The following CDC73 variants were observed in gnomAD, a reference collection of about 807,000 sequenced individuals.
CDC73 encodes cell division cycle 73.
A neutral mutation model predicts 83.7 loss-of-function variants in CDC73; 21 were observed. That is an observed-to-expected ratio of 0.25 (90% CI 0.18 to 0.36). The LOEUF (loss-of-function observed/expected upper bound fraction) is 0.36, where lower values mean the gene tolerates loss of function less well. CDC73 is among the 10% of genes least tolerant of loss of function. The pLI is 1.00. For missense variants in CDC73, 342 were observed against 653.3 expected, an observed-to-expected ratio of 0.52 and a Z score of 5.19; for synonymous variants, 224 against 212.9, an observed-to-expected ratio of 1.05 and a Z score of -0.45.
At chr1:193,137,106 A>G (rs1675815137) in intron 5 of CDC73, among the ~76,000 whole-genome samples, 1 of 152,220 alleles carries the variant, frequency 6.6e-6, no homozygotes, top group South Asian at 2.1e-4. Flanking sequence ...TAGGAAAGAG[A>G]AACTGAGGGT....
intron 10 of CDC73, among the ~76,000 whole-genome samples, chr1:193,171,805 A>G (rs1020013864): frequency 2.6e-5 from 4 of 152,196 alleles, no homozygotes; most frequent in African/African-American, 9.7e-5. Context: ...TCTTTGGAGA[A>G]CCATTGTTCT....
intron 10 of CDC73, among the ~76,000 whole-genome samples, chr1:193,184,387 A>C (rs1676770517): frequency 6.6e-6 from 1 of 152,080 alleles, no homozygotes; most frequent in Non-Finnish European, 1.5e-5. Flanking sequence ...AAAAAGAGAG[A>C]GCAAAACAAG....
At chr1:193,207,651 G>A (rs113789575) in intron 11 of CDC73, among the ~76,000 whole-genome samples, 2 of 152,082 alleles carry the variant, frequency 1.3e-5, no homozygotes, top group African/African-American at 4.8e-5. Flanking sequence ...TATTCTGCCT[G>A]ACCCCACAGG....
intron 13 of CDC73, among the ~76,000 whole-genome samples, chr1:193,223,375 A>G (rs879914515): frequency 3.9e-5 from 6 of 152,188 alleles, no homozygotes; most frequent in South Asian, 2.1e-4. Flanking sequence ...ACCTGGGAGC[A>G]TTACCAATCT....
chr1:193,172,237 CTT>C (rs36004862), intron 10 of CDC73, among the ~76,000 whole-genome samples: 286 of 134,324 alleles, frequency 2.1e-3, no homozygotes, highest in Middle Eastern at 7.8e-3. Context: ...TTTTTGGTAC[CTT>C]TTTTTTTTTT....
rs906239417 is a variant in CDC73 at position 193,253,433 on chromosome 1, C to T, written c.*2721C>T. 2.2e-5 allele frequency: 5 copies of T among 232,230 alleles called. No homozygotes were observed. Among genetic ancestry groups the T allele is most frequent in the Admixed American group, 1.1e-4 (2 of 17,720 alleles). The allele number at this position is 232,230 out of a possible 1,614,324, so 14.4% of individuals were successfully genotyped here. On this transcript the variant is annotated 3_prime_UTR_variant, in exon 17 of 17. Coordinates refer to ENST00000367435, the MANE Select transcript of CDC73 (RefSeq NM_024529.5). ...TTTTGTTGTTGTTGTTGTTTTGTGG[C>T]CACCCTTTGCACTAGACCATCCCTT...
chr1:193,249,610 AG>A (rs1678011328), intron 15 of CDC73, 119 bp from the exon 16 acceptor site: 1 of 766,504 alleles, frequency 1.3e-6, no homozygotes, highest in African/African-American at 1.8e-5. Flanking sequence ...ATGTTTTTAA[AG>A]ATAATATTTT....
At chr1:193,183,009 T>C (rs1572181962) in intron 10 of CDC73, among the ~76,000 whole-genome samples, 1 of 152,056 alleles carries the variant, frequency 6.6e-6, no homozygotes, top group East Asian at 1.9e-4. Context: ...TGTATGTATT[T>C]AGCCTGTGAT....
chr1:193,237,221 T>C (rs1677776493), intron 15 of CDC73: 1 of 152,158 alleles, frequency 6.6e-6, no homozygotes, highest in African/African-American at 2.4e-5. Flanking sequence ...AAATGTCTTA[T>C]GTTTTTAGCA....
chr1:193,163,545 A>G (rs1375392604), intron 10 of CDC73, among the ~76,000 whole-genome samples: 1 of 152,100 alleles, frequency 6.6e-6, no homozygotes, highest in African/African-American at 2.4e-5. Context: ...AGAAACTTCA[A>G]GAACGTAACT....
chr1:193,199,392 C>CT (rs1427091167), intron 10 of CDC73, among the ~76,000 whole-genome samples: 3 of 151,746 alleles, frequency 2.0e-5, no homozygotes, highest in African/African-American at 7.3e-5. Context: ...GGCCTGATCC[C>CT]TTAAAAAAAA....
intron 2 of CDC73, among the ~76,000 whole-genome samples, chr1:193,129,301 T>G (rs1675647476): frequency 6.7e-6 from 1 of 150,328 alleles, no homozygotes; most frequent in African/African-American, 2.5e-5. Context: ...CTGCCTAATT[T>G]TTGTGTTTTT....
intron 7 of CDC73, among the ~76,000 whole-genome samples, chr1:193,145,866 A>G (rs1057358931): frequency 2.6e-5 from 4 of 152,202 alleles, no homozygotes; most frequent in Non-Finnish European, 5.9e-5. Context: ...GGCAAGTGCT[A>G]AACACTGACC....
intron 10 of CDC73, among the ~76,000 whole-genome samples, chr1:193,156,032 A>G (rs751744128): frequency 6.6e-6 from 1 of 152,200 alleles, no homozygotes; most frequent in African/African-American, 2.4e-5. Flanking sequence ...AAATAACAAT[A>G]TATTTTCATG....
chr1:193,154,456 T>C (rs1181714322), intron 10 of CDC73, among the ~76,000 whole-genome samples: 1 of 152,198 alleles, frequency 6.6e-6, no homozygotes, highest in Non-Finnish European at 1.5e-5. Context: ...CATCAGAGAC[T>C]GTTCTAAATA....
At chr1:193,145,863 G>A (rs890104959) in intron 7 of CDC73, among the ~76,000 whole-genome samples, 2 of 152,138 alleles carry the variant, frequency 1.3e-5, no homozygotes, top group Admixed American at 6.5e-5. Context: ...CTAGGCAAGT[G>A]CTAAACACTG....
chr1:193,149,641 G>C (rs1397047077), intron 8 of CDC73, among the ~76,000 whole-genome samples: 1 of 152,042 alleles, frequency 6.6e-6, no homozygotes, highest in Non-Finnish European at 1.5e-5. Context: ...GATAGGTATT[G>C]ATAAGTATAT....
At chr1:193,137,558 A>G (rs190538950) in intron 5 of CDC73, among the ~76,000 whole-genome samples, 1 of 152,246 alleles carries the variant, frequency 6.6e-6, no homozygotes, top group Non-Finnish European at 1.5e-5. Flanking sequence ...AATTTCAGAC[A>G]AAATCTTGAA....
At chr1:193,229,947 AG>A (rs977347205) in intron 13 of CDC73, among the ~76,000 whole-genome samples, 3 of 152,158 alleles carry the variant, frequency 2.0e-5, no homozygotes, top group Non-Finnish European at 4.4e-5. Context: ...TGGTTGACAC[AG>A]ATGTTCTTTA....
Sources: gnomAD v4.1 joint callset for allele counts (sites outside exome capture counted in the v4.1 genomes callset) on GRCh38, gnomAD v4.1.1 for gene constraint, MANE v1.5 for transcripts, NCBI Gene and HGNC (gene_info 2026-07-23, HGNC 2026-07-21) for gene names.